The following IHH variants were observed in gnomAD, a reference collection of about 807,000 sequenced individuals.
IHH encodes the protein Indian hedgehog signaling molecule.
A neutral mutation model predicts 29.4 loss-of-function variants in IHH; 9 were observed. That is an observed-to-expected ratio of 0.31 (90% CI 0.18 to 0.53). The LOEUF (loss-of-function observed/expected upper bound fraction) is 0.53, where lower values mean the gene tolerates loss of function less well. Among genes scored for constraint, IHH ranks in the 20% least tolerant of loss-of-function variants. The pLI is 0.95. For missense variants in IHH, 454 were observed against 578.1 expected (o/e 0.79, Z 2.20); for synonymous variants, 254 against 252.7 (o/e 1.01, Z -0.05).
rs1038784643 is a variant in IHH, at chr2:219,060,001, C to A, written c.315+152G>T. ...CACTCCTGCCTGGACCCCTGGCCAGCCCATCTTGGGCAGGAGGCAGCGGGG... is the reference window on the plus strand; with the variant it reads ...CACTCCTGCCTGGACCCCTGGCCAGACCATCTTGGGCAGGAGGCAGCGGGG... On this transcript the variant is annotated intron_variant, in intron 1 of 2. Transcript: ENST00000295731. The surrounding 1 kb of genome is among the most constrained non-coding windows in gnomAD (Gnocchi z 8.8). The A allele has an allele frequency of 2.9e-6, 2 of 691,254 alleles. No homozygotes were observed. The highest frequency in any genetic ancestry group is 3.7e-5 in the South Asian group (2 of 53,988). The allele number at this position is 691,254 out of a possible 1,614,324, so 42.8% of individuals were successfully genotyped here.
rs1467885286 is a variant in IHH, at chr2:219,057,841, T to G, written c.316-147A>C. 4 of 1,105,662 alleles carry G rather than the reference T, an allele frequency of 3.6e-6. No homozygotes were observed. The East Asian group carries it at 7.7e-5, about 21-fold the overall frequency. 68.5% of individuals were successfully genotyped at this position (1,105,662 alleles called of 1,614,324 possible). On this transcript the variant is annotated intron_variant, in intron 1 of 2. Coordinates refer to ENST00000295731, the MANE Select transcript of IHH (RefSeq NM_002181.4). The stretch of plus-strand genomic sequence containing the variant: ...CCGGGAGGGTGCTGTCCCTCTCCCT[T>G]AGGAACAGAGGGCCCTGAAGTGCTC...
Position 219,060,378 on chromosome 2 carries a change from C to G in IHH, c.90G>C (p.Pro30=), listed in dbSNP as rs1013067625. The change falls in exon 1 of 3, where the codon CCG becomes CCC. Residue 30 remains proline, a synonymous_variant. Coordinates refer to ENST00000295731, the MANE Select transcript of IHH (RefSeq NM_002181.4). This position sits in a 1 kb window ranked among gnomAD's most constrained non-coding sequence, Gnocchi z 8.8. Reference sequence around the variant, plus strand: ...GCCGGCGGCTGCCCACCACCCGACCCGGCCCGCAGCCCCATGCCGCCGGCA... The same window carrying G: ...GCCGGCGGCTGCCCACCACCCGACCGGGCCCGCAGCCCCATGCCGCCGGCA... ...LVVPAAWGCG[P]GRVVGSRRRP... is the part of the protein sequence containing the mutation. 1.2e-6 allele frequency: 2 copies of G among 1,603,364 alleles called. No individual in the cohort carries two copies. Among genetic ancestry groups the G allele is most frequent in the East Asian group, 4.5e-5 (2 of 44,760 alleles).
At chr2:219,056,078 A>AC (rs1258865740) in intron 2 of IHH, among the ~76,000 whole-genome samples, 1 of 142,714 alleles carries the variant, frequency 7.0e-6, no homozygotes, top group Non-Finnish European at 1.5e-5. Context: ...ATCTTCTGTG[A>AC]CCCCCCTCCC....
chr2:219,060,822 G>A lies in IHH; in HGVS notation c.-355C>T, dbSNP rs1399394013. The stretch of plus-strand genomic sequence containing the variant: ...GGGCTGGGCTGGGCTGGCCGGGCCG[G>A]CGGGCTGCAGGGCCCCGCGGTTAGC... On this transcript the variant is annotated 5_prime_UTR_variant, in exon 1 of 3. Transcript: ENST00000295731. The surrounding 1 kb of genome is among the most constrained non-coding windows in gnomAD (Gnocchi z 8.8). Among the ~76,000 whole-genome samples the A allele has an allele frequency of 2.7e-5, 4 of 147,810 alleles. No homozygotes were observed. Among genetic ancestry groups the A allele is most frequent in the African/African-American group, 9.8e-5 (4 of 41,016 alleles).
rs769364495 is a variant in IHH, at chr2:219,055,170, A to G, written c.*37T>C. 1 of 1,549,534 alleles carries G rather than the reference A, an allele frequency of 6.5e-7. No homozygotes were observed. The highest frequency in any genetic ancestry group is 1.2e-5 in the South Asian group (1 of 84,088). On this transcript the variant is annotated 3_prime_UTR_variant, in exon 3 of 3. Transcript: ENST00000295731. ...TCCTGGCTGAGAGGCTTCTGGACCC[A>G]GTACAGCAGTTCCAGGAGGGCAGCG... is the stretch of plus-strand genomic sequence containing the variant.
rs747212856 is a variant in IHH, at chr2:219,055,711, G to A, written c.732C>T (p.Leu244=). The part of the protein sequence containing the change: ...EDGSPTFSDV[L]IFLDREPHRL... ...TGTGAGGCTCGCGGTCCAGGAAAAT[G>A]AGCACATCGCTGAAGGTGGGGCTCC... Residue 244 remains leucine, a synonymous_variant, in exon 3 of 3, where the codon CTC becomes CTT. Transcript: ENST00000295731. 3.7e-6 allele frequency: 6 copies of A among 1,613,818 alleles called. No homozygotes were observed. The highest frequency in any genetic ancestry group is 4.2e-6 in the Non-Finnish European group (5 of 1,179,856).
intron 1 of IHH, 29 bp from the exon 2 acceptor site, chr2:219,057,723 CA>C: frequency 1.2e-6 from 2 of 1,601,302 alleles, no homozygotes; most frequent in Non-Finnish European, 1.7e-6. Context: ...CGAAATCAAC[CA>C]GAGCGAAATC....
Position 219,055,623 on chromosome 2 carries a change from C to A in IHH, c.820G>T (p.Ala274Ser). 1 of 1,613,988 alleles carries A rather than the reference C, an allele frequency of 6.2e-7. No individual in the cohort carries two copies. Among genetic ancestry groups the A allele is most frequent in the Non-Finnish European group, 8.5e-7 (1 of 1,179,970 alleles). The change falls in exon 3 of 3, where the codon GCT becomes TCT. Residue 274 changes from alanine (A) to serine (S), a missense_variant. Coordinates refer to ENST00000295731, the MANE Select transcript of IHH (RefSeq NM_002181.4). The stretch of plus-strand genomic sequence containing the variant: ...TTGTCAGCCGTAAAGAGCAGGTGAG[C>A]GGGTGTGAGTGCCAGGCGGCGTGGG... ...DPPRRLALTP[A>S]HLLFTADNHT...
chr2:219,057,359 C>A (rs1948840406), intron 2 of IHH, 74 bp downstream of exon 2: 2 of 1,528,620 alleles, frequency 1.3e-6, no homozygotes, highest in East Asian at 2.5e-5. Flanking sequence ...GGGCTCTTCA[C>A]CTTCTCGGCA....
chr2:219,059,763 T>C lies in IHH; in HGVS notation c.315+390A>G, dbSNP rs991604847. Among the ~76,000 whole-genome samples, 5 of 151,998 alleles carry C rather than the reference T, an allele frequency of 3.3e-5. No homozygotes were observed. The highest frequency in any genetic ancestry group is 3.3e-4 in the Admixed American group (5 of 15,272). ...TCAGGGGTGCCGAAAAGTTTCAAAA[T>C]GAAAGGGGCACAGCTGTGCAGAAGG... On this transcript the variant is annotated intron_variant, in intron 1 of 2. Transcript: ENST00000295731. The surrounding 1 kb of genome is among the most constrained non-coding windows in gnomAD (Gnocchi z 4.7).
Position 219,055,710 on chromosome 2 carries a change from T to G in IHH, c.733A>C (p.Ile245Leu). The change falls in exon 3 of 3, where the codon ATT becomes CTT. Residue 245 changes from isoleucine (I) to leucine (L), a missense_variant. Coordinates refer to ENST00000295731, the MANE Select transcript of IHH (RefSeq NM_002181.4). ...DGSPTFSDVL[I>L]FLDREPHRLR... ...CTGTGAGGCTCGCGGTCCAGGAAAA[T>G]GAGCACATCGCTGAAGGTGGGGCTC... The G allele has an allele frequency of 6.2e-7, 1 of 1,613,732 alleles. No individual in the cohort carries two copies. Among genetic ancestry groups the G allele is most frequent in the Non-Finnish European group, 8.5e-7 (1 of 1,179,834 alleles).
At chr2:219,055,914 C>T (rs370634377) in intron 2 of IHH, 49 bp from the exon 3 acceptor site, 4 of 1,567,630 alleles carry the variant, frequency 2.6e-6, no homozygotes, top group African/African-American at 2.7e-5. Flanking sequence ...AGCTCAGCCT[C>T]CTGGTCACAA....
Position 219,060,138 on chromosome 2 carries a change from G to T in IHH, c.315+15C>A. 1 of 1,596,932 alleles carries T rather than the reference G, an allele frequency of 6.3e-7. No homozygotes were observed. Among genetic ancestry groups the T allele is most frequent in the East Asian group, 2.3e-5 (1 of 44,252 alleles). Reference sequence around the variant, plus strand: ...GCTTCGGTGGCGGCGCGCTGGTAGGGCGGATCGCGCTCACCTGGGTCATGA... The same window carrying T: ...GCTTCGGTGGCGGCGCGCTGGTAGGTCGGATCGCGCTCACCTGGGTCATGA... On this transcript the variant is annotated intron_variant, in intron 1 of 2. Coordinates refer to ENST00000295731, the MANE Select transcript of IHH (RefSeq NM_002181.4). The surrounding 1 kb of genome is among the most constrained non-coding windows in gnomAD (Gnocchi z 8.8).
intron 1 of IHH, among the ~76,000 whole-genome samples, chr2:219,058,004 C>A (rs1948846012): frequency 6.6e-6 from 1 of 152,238 alleles, no homozygotes; most frequent in Non-Finnish European, 1.5e-5. Context: ...CTGTCTTCAG[C>A]TCCGGGTATC....
In IHH at chr2:219,055,768, C is replaced by T. The variant is rs376997442; in HGVS notation, c.675G>A (p.Pro225=). Residue 225 remains proline, a synonymous_variant, in exon 3 of 3, where the codon CCG becomes CCA. Transcript: ENST00000295731. ...GARVALSAVR[P]GDRVLAMGED... is the part of the protein sequence containing the mutation. ...CCCCCATGGCCAGCACACGGTCTCC[C>T]GGCCTCACGGCTGACAAGGCCACAC... 20 of 1,613,496 alleles carry T rather than the reference C, an allele frequency of 1.2e-5. No individual in the cohort carries two copies. The highest frequency in any genetic ancestry group is 3.3e-4 in the Middle Eastern group (2 of 6,084).
rs1483542133 is a variant in IHH, at chr2:219,059,234, C to T, written c.315+919G>A. 6.6e-6 allele frequency among the ~76,000 whole-genome samples: 1 copy of T among 152,256 alleles called. No individual in the cohort carries two copies. The highest frequency in any genetic ancestry group is 1.5e-5 in the Non-Finnish European group (1 of 68,046). On this transcript the variant is annotated intron_variant, in intron 1 of 2. Transcript: ENST00000295731. This position sits in a 1 kb window ranked among gnomAD's most constrained non-coding sequence, Gnocchi z 4.7. ...CCCTGAGTCTAGCTGCTCTTCCCAA[C>T]GGATCTAGAAAGCCAGGGGCCTGCT... is the stretch of plus-strand genomic sequence containing the variant.
At chr2:219,057,052 C>T (rs1948838157) in intron 2 of IHH, among the ~76,000 whole-genome samples, 1 of 152,118 alleles carries the variant, frequency 6.6e-6, no homozygotes, top group Non-Finnish European at 1.5e-5. Context: ...CTGGGCATAC[C>T]CCGGCTCCTG....
chr2:219,056,083 C>G (rs1948828477), intron 2 of IHH, among the ~76,000 whole-genome samples: 1 of 152,006 alleles, frequency 6.6e-6, no homozygotes, highest in Non-Finnish European at 1.5e-5. Flanking sequence ...CTGTGACCCC[C>G]CTCCCCAGCC....
intron 1 of IHH, chr2:219,058,781 T>G (rs1360362442): frequency 6.5e-6 from 1 of 154,940 alleles, no homozygotes; most frequent in Non-Finnish European, 1.5e-5. Flanking sequence ...CGCCAACAAG[T>G]GTGGGCAGCC....
Sources: gnomAD v4.1 joint callset for allele counts (sites outside exome capture counted in the v4.1 genomes callset) on GRCh38, gnomAD v4.1.1 for gene constraint, Gnocchi (gnomAD v3.1) non-coding constraint, MANE v1.5 for transcripts, NCBI Gene and HGNC (gene_info 2026-07-23, HGNC 2026-07-21) for gene names.